Variants in UNC80 observed in about 807,000 individuals in gnomAD.
UNC80 encodes the protein protein unc-80 homolog.
A neutral mutation model predicts 384.6 loss-of-function variants in UNC80; 164 were observed. That is an observed-to-expected ratio of 0.43 (90% CI 0.38 to 0.49). The LOEUF (loss-of-function observed/expected upper bound fraction) is 0.49, where lower values mean the gene tolerates loss of function less well. UNC80 is among the 20% of genes least tolerant of loss of function. The pLI, the probability that UNC80 is intolerant of heterozygous loss-of-function variation, is 0.00. For missense variants in UNC80, 3,330 were observed against 4,143.0 expected, an observed-to-expected ratio of 0.80 and a Z score of 5.39; for synonymous variants, 1,486 against 1,527.8, an observed-to-expected ratio of 0.97 and a Z score of 0.64.
At position 209,862,528 on chromosome 2, in the gene UNC80, AG is replaced by A. The variant is rs540759808; in HGVS notation, c.3628-10228del. Among the ~76,000 whole-genome samples, 1,004 of 152,184 alleles carry A rather than the reference AG, an allele frequency of 6.6e-3. 7 individuals are homozygous for A. The highest frequency in any genetic ancestry group is 0.013 in the Admixed American group (204 of 15,294). ...TCCTGTATTGGGGGCATATATATTT[AG>A]GATAGTTAGCTCTTCTTGTTGAATT... is the stretch of plus-strand genomic sequence containing the variant. On this transcript the variant is annotated intron_variant, in intron 22 of 64. Transcript: ENST00000673920.
intron 29 of UNC80, among the ~76,000 whole-genome samples, chr2:209,911,790 T>G (rs1425821326): frequency 1.3e-5 from 2 of 152,172 alleles, no homozygotes; most frequent in Non-Finnish European, 2.9e-5. Context: ...TCTGGATAAA[T>G]AAGCCTGCCT....
At chr2:209,913,215 C>G (rs1420515743) in intron 30 of UNC80, among the ~76,000 whole-genome samples, 1 of 152,100 alleles carries the variant, frequency 6.6e-6, no homozygotes, top group African/African-American at 2.4e-5. Context: ...GTTCTCCCCC[C>G]CAAAAAAATT....
intron 25 of UNC80, among the ~76,000 whole-genome samples, chr2:209,886,084 A>G (rs1038200163): frequency 1.4e-4 from 21 of 152,228 alleles, no homozygotes; most frequent in Admixed American, 1.3e-3. Context: ...CTTATTGATG[A>G]GAATCAAAAG....
At chr2:209,914,198 T>C (rs1410874813) in intron 31 of UNC80, among the ~76,000 whole-genome samples, 1 of 152,212 alleles carries the variant, frequency 6.6e-6, no homozygotes, top group East Asian at 1.9e-4. Flanking sequence ...AGAATGATTT[T>C]CCCCAGATCC....
At chr2:209,841,035 T>C (rs1307905647) in intron 20 of UNC80, among the ~76,000 whole-genome samples, 4 of 152,092 alleles carry the variant, frequency 2.6e-5, no homozygotes, top group Admixed American at 6.5e-5. Flanking sequence ...TTCATCCTTT[T>C]CCCACTACTT....
At position 209,918,570 on chromosome 2, in the gene UNC80, G is replaced by C. The variant is rs376345036; in HGVS notation, c.5250G>C (p.Pro1750=). The change falls in exon 33 of 65, where the codon CCG becomes CCC. Residue 1750 remains proline (P), a synonymous_variant. Coordinates refer to ENST00000673920, the MANE Select transcript of UNC80 (RefSeq NM_001371986.1). ...GTATCAATTTCACCCTTCCCTCGCC[G>C]GTGCTTGGAATGCCATCCGTCCCAA... ...PPSINFTLPS[P]VLGMPSVPMF... 2.6e-6 allele frequency: 4 copies of C among 1,552,082 alleles called. No individual in the cohort carries two copies. The highest frequency in any genetic ancestry group is 2.7e-5 in the African/African-American group (2 of 73,110).
chr2:209,862,631 C>G (rs2083423858), intron 22 of UNC80, among the ~76,000 whole-genome samples: 1 of 140,788 alleles, frequency 7.1e-6, no homozygotes, highest in Non-Finnish European at 1.5e-5. Context: ...TTGTCAGAGA[C>G]TAGGATTGCA....
chr2:209,837,795 G>A (rs866148568), intron 18 of UNC80, among the ~76,000 whole-genome samples: 5 of 145,790 alleles, frequency 3.4e-5, no homozygotes, highest in African/African-American at 5.1e-5. Context: ...TTTTTGAGAC[G>A]GAGTCTCGCT....
chr2:209,957,003 G>A (rs1343246889), intron 48 of UNC80, among the ~76,000 whole-genome samples: 1 of 152,156 alleles, frequency 6.6e-6, no homozygotes, highest in Admixed American at 6.5e-5. Flanking sequence ...ACTGCATTAT[G>A]CCTTTTTCGT....
intron 7 of UNC80, among the ~76,000 whole-genome samples, chr2:209,811,545 T>C (rs563774204): frequency 3.3e-5 from 5 of 152,272 alleles, no homozygotes; most frequent in Admixed American, 2.0e-4. Context: ...GACTTTATGA[T>C]AGATTAAAAG....
Position 209,815,291 on chromosome 2 carries a change from C to G in UNC80, c.1235C>G (p.Ser412Cys). The change falls in exon 9 of 65, where the codon TCT (serine) becomes TGT (cysteine). Residue 412 changes from serine (S) to cysteine (C), a missense_variant. Coordinates refer to ENST00000673920, the MANE Select transcript of UNC80 (RefSeq NM_001371986.1). ...ATGAAGTGTAACGAGGAGGAAAAAT[C>G]TCTTAGCTCTGAGGCCTTTTCCAAG... is the stretch of plus-strand genomic sequence containing the variant. ...LTMKCNEEEK[S>C]LSSEAFSKVS... The G allele has an allele frequency of 6.4e-7, 1 of 1,551,666 alleles. No individual in the cohort carries two copies. Among genetic ancestry groups the G allele is most frequent in the Non-Finnish European group, 8.7e-7 (1 of 1,146,972 alleles).
In UNC80 at chr2:209,913,909, C is replaced by T; in HGVS notation, c.4998C>T (p.Leu1666=). Residue 1666 remains leucine (L), a synonymous_variant, in exon 31 of 65, where the codon CTC becomes CTT. Coordinates refer to ENST00000673920, the MANE Select transcript of UNC80 (RefSeq NM_001371986.1). ...AGCCAGCTGCCTGGGAGCTCCTGCT[C>T]AGCATGGATGAGCACATGGCAGGGG... The part of the protein sequence containing the change: ...DIQPAAWELL[L]SMDEHMAGAA... 6.4e-7 allele frequency: 1 copy of T among 1,550,584 alleles called. No individual in the cohort carries two copies. Among genetic ancestry groups the T allele is most frequent in the Non-Finnish European group, 8.7e-7 (1 of 1,146,148 alleles).
intron 16 of UNC80, among the ~76,000 whole-genome samples, chr2:209,833,479 T>C (rs1040213747): frequency 3.3e-5 from 5 of 152,206 alleles, no homozygotes; most frequent in Admixed American, 2.0e-4. Flanking sequence ...ACAACATATA[T>C]GTACTTTGCT....
chr2:209,903,449 ATATT>A (rs1319705856), intron 28 of UNC80, among the ~76,000 whole-genome samples: 1 of 96,930 alleles, frequency 1.0e-5, no homozygotes, highest in Non-Finnish European at 2.0e-5. Context: ...CACATTATAT[ATATT>A]TATATATACA....
At chr2:209,975,660 A>G (rs1044028943) in intron 56 of UNC80, among the ~76,000 whole-genome samples, 9 of 152,332 alleles carry the variant, frequency 5.9e-5, no homozygotes, top group Admixed American at 2.6e-4. Flanking sequence ...TACTTTTAGT[A>G]ACACAAATAT....
At chr2:209,958,816 A>G (rs1196154985) in intron 49 of UNC80, among the ~76,000 whole-genome samples, 1 of 152,184 alleles carries the variant, frequency 6.6e-6, no homozygotes, top group Non-Finnish European at 1.5e-5. Flanking sequence ...CTTAAATTTC[A>G]AAATGTCCAA....
At chr2:209,970,726 A>T in intron 53 of UNC80, 106 bp from the exon 54 acceptor site, 1 of 1,371,780 alleles carries the variant, frequency 7.3e-7, no homozygotes, top group South Asian at 1.6e-5. Context: ...AACATGTCCA[A>T]CCTTCAATTT....
intron 29 of UNC80, among the ~76,000 whole-genome samples, chr2:209,911,745 A>G (rs1034959782): frequency 6.6e-6 from 1 of 152,200 alleles, no homozygotes; most frequent in Non-Finnish European, 1.5e-5. Flanking sequence ...CCCTCTTTGC[A>G]CAGCCTGGAG....
At chr2:209,911,016 T>G (rs2088872192) in intron 29 of UNC80, among the ~76,000 whole-genome samples, 1 of 152,082 alleles carries the variant, frequency 6.6e-6, no homozygotes, top group African/African-American at 2.4e-5. Context: ...TACCCTAGAC[T>G]GGGTAATTTA....
Sources: gnomAD v4.1 joint callset for allele counts (sites outside exome capture counted in the v4.1 genomes callset) on GRCh38, gnomAD v4.1.1 for gene constraint, MANE v1.5 for transcripts, NCBI Gene and HGNC (gene_info 2026-07-23, HGNC 2026-07-21) for gene names.